The following ARHGAP10 variants were observed in gnomAD, a reference collection of about 807,000 sequenced individuals.
ARHGAP10 encodes the protein rho GTPase-activating protein 10.
In ARHGAP10, 87 loss-of-function variants were observed where a neutral mutation model predicts 108.6. The ratio of observed to expected loss-of-function variants is 0.80; its 90% confidence interval spans 0.67 to 0.96. ARHGAP10 has a LOEUF of 0.96. Ranked by LOEUF, ARHGAP10 falls within the 40% of genes least tolerant of loss-of-function variation. ARHGAP10 has a pLI of 0.00. For missense variants in ARHGAP10, 939 were observed against 954.5 expected, an observed-to-expected ratio of 0.98 and a Z score of 0.21; for synonymous variants, 347 against 341.1, an observed-to-expected ratio of 1.02 and a Z score of -0.19.
chr4:148,012,132 TG>T (rs1402886847), intron 18 of ARHGAP10, among the ~76,000 whole-genome samples: 1 of 152,234 alleles, frequency 6.6e-6, no homozygotes, highest in Non-Finnish European at 1.5e-5. Context: ...TTATCCTGAC[TG>T]TTCTCTCTCC....
intron 19 of ARHGAP10, among the ~76,000 whole-genome samples, chr4:148,025,434 T>C (rs1265599630): frequency 6.6e-6 from 1 of 152,086 alleles, no homozygotes; most frequent in Non-Finnish European, 1.5e-5. Flanking sequence ...TAATCTTATG[T>C]TAGAGGTTAT....
At position 147,854,571 on chromosome 4, in the gene ARHGAP10, C is replaced by T. The variant is rs552162592; in HGVS notation, c.385-2982C>T. On this transcript the variant is annotated intron_variant, in intron 4 of 22. Transcript: ENST00000336498. ...TGGAACTTTTTGGATTACGCTGTTA[C>T]ATTTATATATTTTTTTCTGTAATGC... The T allele has an allele frequency of 1.1e-4, 39 of 350,666 alleles. No homozygotes were observed. In the South Asian group the frequency reaches 1.2e-3, roughly 10 times the overall value. The allele number at this position is 350,666 out of a possible 1,614,324, so 21.7% of individuals were successfully genotyped here.
intron 3 of ARHGAP10, among the ~76,000 whole-genome samples, chr4:147,836,377 AGTT>A (rs2126803894): frequency 6.6e-6 from 1 of 152,348 alleles, no homozygotes; most frequent in Admixed American, 6.5e-5. Flanking sequence ...CAGGATTGAA[AGTT>A]GATAAAATTC....
intron 5 of ARHGAP10, among the ~76,000 whole-genome samples, chr4:147,860,743 T>G (rs188774768): frequency 6.6e-6 from 1 of 152,240 alleles, no homozygotes; most frequent in Non-Finnish European, 1.5e-5. Context: ...CTAAATAACT[T>G]TATGTGAGAC....
chr4:147,746,806 A>AT (rs1220120561), intron 1 of ARHGAP10, among the ~76,000 whole-genome samples: 1 of 152,166 alleles, frequency 6.6e-6, no homozygotes, highest in East Asian at 1.9e-4. Flanking sequence ...ACACACTCAA[A>AT]TTGTAGATTT....
At chr4:148,012,184 C>A (rs1222718757) in intron 18 of ARHGAP10, among the ~76,000 whole-genome samples, 1 of 152,174 alleles carries the variant, frequency 6.6e-6, no homozygotes, top group South Asian at 2.1e-4. Flanking sequence ...GTCATTACTT[C>A]ATTTATTATG....
In ARHGAP10 at chr4:147,939,851, G is replaced by T; in HGVS notation, c.1255G>T (p.Val419Phe). The change falls in exon 14 of 23, where the codon GTT (valine) becomes TTT (phenylalanine). Residue 419 changes from valine (V) to phenylalanine (F), a missense_variant. Physicochemically the swap from Val to Phe is conservative, Grantham distance 50. Coordinates refer to ENST00000336498, the MANE Select transcript of ARHGAP10 (RefSeq NM_024605.4). ...RGINDQGLYR[V>F]VGVSSKVQRL... The stretch of plus-strand genomic sequence containing the variant: ...TATAAATGACCAAGGATTGTACAGA[G>T]TTGTGGGGGTGAGTTCAAAGGTCCA... 2 of 1,614,078 alleles carry T rather than the reference G, an allele frequency of 1.2e-6. No homozygotes were observed. The highest frequency in any genetic ancestry group is 1.7e-6 in the Non-Finnish European group (2 of 1,179,944).
intron 20 of ARHGAP10, 70 bp from the exon 21 acceptor site, chr4:148,063,078 G>A: frequency 6.4e-7 from 1 of 1,551,512 alleles, no homozygotes; most frequent in Non-Finnish European, 8.9e-7. Flanking sequence ...ATCTGGGATT[G>A]GGATGTTGTG....
At chr4:147,818,147 T>C (rs548241885) in intron 1 of ARHGAP10, among the ~76,000 whole-genome samples, 1 of 151,866 alleles carries the variant, frequency 6.6e-6, no homozygotes, top group South Asian at 2.1e-4. Context: ...AACCTATTTT[T>C]TTTTCTTCTT....
chr4:147,786,627 G>A (rs1560758157), intron 1 of ARHGAP10, among the ~76,000 whole-genome samples: 2 of 152,204 alleles, frequency 1.3e-5, no homozygotes, highest in South Asian at 2.1e-4. Context: ...GAGGATAAAT[G>A]GTAACTTAAA....
chr4:147,898,334 TG>T (rs2126896134), intron 10 of ARHGAP10, among the ~76,000 whole-genome samples: 1 of 152,284 alleles, frequency 6.6e-6, no homozygotes, highest in South Asian at 2.1e-4. Context: ...GTCATTTCAT[TG>T]TCTTCAGGCT....
chr4:147,979,752 T>C (rs547006416), intron 18 of ARHGAP10, among the ~76,000 whole-genome samples: 2 of 152,334 alleles, frequency 1.3e-5, no homozygotes, highest in South Asian at 2.1e-4. Context: ...TCATTCACTT[T>C]CTTGGTTAAA....
At chr4:147,963,080 A>T (rs1236155910) in intron 16 of ARHGAP10, among the ~76,000 whole-genome samples, 1 of 151,974 alleles carries the variant, frequency 6.6e-6, no homozygotes, top group African/African-American at 2.4e-5. Context: ...CCCAAATATA[A>T]CTCTATTCAT....
At chr4:147,857,943 TA>T (rs1734163108) in intron 5 of ARHGAP10, 1 of 164,772 alleles carries the variant, frequency 6.1e-6, no homozygotes, top group Non-Finnish European at 1.3e-5. Context: ...AGAACAGATA[TA>T]TTATTTGCAG....
chr4:147,774,022 C>G (rs1014886539), intron 1 of ARHGAP10, among the ~76,000 whole-genome samples: 1 of 152,128 alleles, frequency 6.6e-6, no homozygotes, highest in African/African-American at 2.4e-5. Context: ...GCTTTGTGAT[C>G]TCAGGCAAGT....
chr4:147,978,206 G>A (rs1009719574), intron 18 of ARHGAP10, among the ~76,000 whole-genome samples: 1 of 152,146 alleles, frequency 6.6e-6, no homozygotes, highest in Non-Finnish European at 1.5e-5. Context: ...GTATTGCTGG[G>A]TCGAATGGTA....
At position 147,994,568 on chromosome 4, in the gene ARHGAP10, A is replaced by G. The variant is rs150944938; in HGVS notation, c.1716+27729A>G. On this transcript the variant is annotated intron_variant, in intron 18 of 22. Transcript: ENST00000336498. ...TCTGTATATGTTCATATAAAGAAACAGTTGACATCAGAAACTCAAAATGTA... is the reference window on the plus strand; with the variant it reads ...TCTGTATATGTTCATATAAAGAAACGGTTGACATCAGAAACTCAAAATGTA... 1.7e-3 allele frequency among the ~76,000 whole-genome samples: 266 copies of G among 152,380 alleles called. 1 individual carries two copies. The highest frequency in any genetic ancestry group is 6.1e-3 in the African/African-American group (255 of 41,594).
chr4:147,974,363 C>T (rs1012911296), intron 18 of ARHGAP10, among the ~76,000 whole-genome samples: 1 of 152,006 alleles, frequency 6.6e-6, no homozygotes, highest in South Asian at 2.1e-4. Context: ...TAATTTGACT[C>T]CCTCCTCATC....
chr4:148,012,171 T>C (rs1284850013), intron 18 of ARHGAP10, among the ~76,000 whole-genome samples: 1 of 152,178 alleles, frequency 6.6e-6, no homozygotes, highest in Non-Finnish European at 1.5e-5. Context: ...TGCCTGACAG[T>C]GTGTCATTAC....
Sources: allele counts gnomAD v4.1 joint callset (sites outside exome capture counted in the v4.1 genomes callset), GRCh38; gene constraint gnomAD v4.1.1; transcripts MANE v1.5; gene names NCBI Gene and HGNC (gene_info 2026-07-23, HGNC 2026-07-21).